ANLN: variants seen among roughly 807,000 people sequenced by gnomAD.
ANLN encodes anillin, actin binding protein.
Under a neutral mutation model 135.1 loss-of-function variants are expected in ANLN, and 59 were observed. The ratio of observed to expected loss-of-function variants is 0.44; its 90% CI spans 0.35 to 0.54. The LOEUF (loss-of-function observed/expected upper bound fraction) is 0.54, where lower values mean the gene tolerates loss of function less well. Ranked by LOEUF, ANLN falls within the 20% of genes least tolerant of loss-of-function variation. The pLI, the probability that ANLN is intolerant of heterozygous loss-of-function variation, is 0.00. For synonymous variants in ANLN, 406 were observed against 456.4 expected (o/e 0.89, Z 1.41); for missense variants, 1,182 against 1,340.0 (o/e 0.88, Z 1.84).
chr7:36,402,531 T>C (rs951600961), intron 3 of ANLN, among the ~76,000 whole-genome samples: 2 of 152,184 alleles, frequency 1.3e-5, no homozygotes, highest in African/African-American at 4.8e-5. Context: ...TGCCTGCTTC[T>C]GCTTTAAACT....
At chr7:36,434,441 G>A (rs1323311946) in intron 20 of ANLN, among the ~76,000 whole-genome samples, 1 of 152,160 alleles carries the variant, frequency 6.6e-6, no homozygotes, top group African/African-American at 2.4e-5. Flanking sequence ...ACCTCAGCCT[G>A]GGCTCAACCA....
chr7:36,418,828 A>T (rs897953473), intron 9 of ANLN, among the ~76,000 whole-genome samples: 4 of 151,062 alleles, frequency 2.6e-5, no homozygotes, highest in African/African-American at 9.7e-5. Flanking sequence ...ATCTGGGCTC[A>T]CTGCAACCTC....
chr7:36,390,213 T>A, intron 1 of ANLN, 169 bp downstream of exon 1: 1 of 1,051,632 alleles, frequency 9.5e-7, no homozygotes, highest in Non-Finnish European at 1.4e-6. Context: ...CTGTGGTTGG[T>A]GGGTTCCTCT....
intron 7 of ANLN, 100 bp from the exon 8 acceptor site, chr7:36,415,658 A>G: frequency 7.7e-7 from 1 of 1,296,496 alleles, no homozygotes; most frequent in Non-Finnish European, 1.0e-6. Context: ...AAACTTATAC[A>G]GAATAATATT....
At position 36,420,277 on chromosome 7, in the gene ANLN, G is replaced by A. The variant is rs528990990; in HGVS notation, c.1978G>A (p.Asp660Asn). 2 of 1,614,104 alleles carry A rather than the reference G, an allele frequency of 1.2e-6. No individual in the cohort carries two copies. Among genetic ancestry groups the A allele is most frequent in the South Asian group, 2.2e-5 (2 of 91,078 alleles). The change falls in exon 11 of 24, where the codon GAT becomes AAT. Residue 660 changes from aspartate to asparagine, a missense_variant. Around this residue, in one of 3 missense-constraint regions of ANLN, gnomAD observed 1,022 missense variants for 1,134.0 expected, o/e 0.90. Transcript: ENST00000265748. ...TCGTGTCCCTCGAGCTGAATCTGGTGATAGCCTTGGTTCTGAAGATCGTGA... is the reference window on the plus strand; with the variant it reads ...TCGTGTCCCTCGAGCTGAATCTGGTAATAGCCTTGGTTCTGAAGATCGTGA... ...RTRVPRAESGDSLGSEDRDLL... is the reference protein window; with the variant it reads ...RTRVPRAESGNSLGSEDRDLL...
intron 20 of ANLN, among the ~76,000 whole-genome samples, chr7:36,436,660 T>C (rs1788560894): frequency 6.6e-6 from 1 of 152,242 alleles, no homozygotes; most frequent in South Asian, 2.1e-4. Context: ...ACCATCCTAG[T>C]GGGTGTGAAG....
At chr7:36,423,698 A>G (rs1174710119) in intron 14 of ANLN, 119 bp from the exon 15 acceptor site, 12 of 967,736 alleles carry the variant, frequency 1.2e-5, no homozygotes, top group Non-Finnish European at 1.7e-5. Context: ...TAGTAATTTT[A>G]AAAATAAATT....
chr7:36,396,882 C>G (rs1388999659), intron 2 of ANLN, among the ~76,000 whole-genome samples: 2 of 152,142 alleles, frequency 1.3e-5, no homozygotes, highest in African/African-American at 4.8e-5. Context: ...TGAACCAACT[C>G]TCTAAAGTTT....
At chr7:36,444,724 G>A (rs1229718650) in intron 22 of ANLN, among the ~76,000 whole-genome samples, 2 of 151,842 alleles carry the variant, frequency 1.3e-5, no homozygotes, top group Non-Finnish European at 2.9e-5. Flanking sequence ...TCATATTTTG[G>A]TTAGATATGT....
intron 20 of ANLN, among the ~76,000 whole-genome samples, chr7:36,428,878 A>T (rs1788200090): frequency 6.7e-6 from 1 of 149,190 alleles, no homozygotes; most frequent in African/African-American, 2.5e-5. Context: ...TCCTGGGTTC[A>T]AGCGATTCTC....
chr7:36,401,793 TA>T (rs555652182), intron 3 of ANLN, among the ~76,000 whole-genome samples: 3 of 115,928 alleles, frequency 2.6e-5, no homozygotes, highest in Admixed American at 8.1e-5. Context: ...ACAAATAAAT[TA>T]AAAAAAAATT....
intron 9 of ANLN, among the ~76,000 whole-genome samples, chr7:36,417,717 G>A (rs1363600020): frequency 8.1e-6 from 1 of 124,020 alleles, no homozygotes; most frequent in Non-Finnish European, 1.6e-5. Flanking sequence ...TCACTCTGTC[G>A]CCCAGACTAG....
chr7:36,428,776 A>ATTTTT (rs35428425), intron 20 of ANLN, among the ~76,000 whole-genome samples: 29 of 114,616 alleles, frequency 2.5e-4, no homozygotes, highest in South Asian at 5.6e-4. Context: ...ATAAAAGCAG[A>ATTTTT]TTTTTTTTTT....
chr7:36,420,799 C>T (rs1472381016), intron 12 of ANLN, 55 bp downstream of exon 12: 14 of 1,583,654 alleles, frequency 8.8e-6, no homozygotes, highest in Non-Finnish European at 1.2e-5. Flanking sequence ...AGGCTGTGAG[C>T]TCTGTGAGGA....
chr7:36,426,292 C>T (rs929358428), intron 19 of ANLN, among the ~76,000 whole-genome samples: 1 of 152,122 alleles, frequency 6.6e-6, no homozygotes, highest in Non-Finnish European at 1.5e-5. Context: ...TGGCATTACT[C>T]TTTACTTCAA....
chr7:36,439,741 C>T (rs1583653003), intron 21 of ANLN, among the ~76,000 whole-genome samples: 1 of 152,038 alleles, frequency 6.6e-6, no homozygotes, highest in Non-Finnish European at 1.5e-5. Flanking sequence ...CACTCCTACC[C>T]AAAGAAAAGA....
intron 23 of ANLN, among the ~76,000 whole-genome samples, chr7:36,450,626 A>G (rs1789204178): frequency 6.6e-6 from 1 of 152,178 alleles, no homozygotes; most frequent in Admixed American, 6.5e-5. Context: ...TAGAGGACTC[A>G]TTTGATGGAA....
chr7:36,448,630 T>C (rs1789114023), intron 22 of ANLN, among the ~76,000 whole-genome samples: 1 of 152,200 alleles, frequency 6.6e-6, no homozygotes. Context: ...TCTACTTTCT[T>C]GTCAATTTAA....
chr7:36,449,162 G>A (rs1222734496), intron 22 of ANLN: 1 of 152,338 alleles, frequency 6.6e-6, no homozygotes, highest in African/African-American at 2.4e-5. Context: ...TCTCGTGAAT[G>A]TTTTCCTCCA....
Sources: gnomAD v4.1 joint callset for allele counts (sites outside exome capture counted in the v4.1 genomes callset) on GRCh38, gnomAD v4.1.1 for gene constraint, gnomAD v4.1.1 regional missense constraint, MANE v1.5 for transcripts, NCBI Gene and HGNC (gene_info 2026-07-23, HGNC 2026-07-21) for gene names.